Variants in UGT1A7 observed in about 807,000 individuals in gnomAD.
UGT1A7 encodes the protein UDP-glucuronosyltransferase 1A7.
Under a neutral mutation model 45.6 loss-of-function variants are expected in UGT1A7, and 33 were observed. The ratio of observed to expected loss-of-function variants is 0.72; its 90% CI spans 0.55 to 0.97. The LOEUF (loss-of-function observed/expected upper bound fraction) is 0.97, where lower values mean the gene tolerates loss of function less well. Among genes scored for constraint, UGT1A7 ranks in the 50% least tolerant of loss-of-function variants. The pLI is 0.00. For missense variants in UGT1A7, 684 were observed against 666.2 expected (o/e 1.03, Z -0.29); for synonymous variants, 274 against 250.6 (o/e 1.09, Z -0.88).
chr2:233,718,332 T>C (rs1444016327), intron 1 of UGT1A7, among the ~76,000 whole-genome samples: 1 of 152,208 alleles, frequency 6.6e-6, no homozygotes, highest in East Asian at 1.9e-4. Flanking sequence ...CTTAGCAATG[T>C]TGTATGTCTT....
intron 1 of UGT1A7, among the ~76,000 whole-genome samples, chr2:233,742,109 C>T (rs544656761): frequency 8.6e-5 from 13 of 151,972 alleles, no homozygotes; most frequent in Admixed American, 7.8e-4. Context: ...ACTGCCAAGA[C>T]CAGCTTGGTC....
At chr2:233,726,314 C>T (rs1182823767) in intron 1 of UGT1A7, among the ~76,000 whole-genome samples, 1 of 152,162 alleles carries the variant, frequency 6.6e-6, no homozygotes, top group Non-Finnish European at 1.5e-5. Context: ...GATCATTGAG[C>T]TCAGGAGTTT....
rs552863758 is a variant in UGT1A7 at position 233,736,767 on chromosome 2, G to A, written c.856-30267G>A. Among the ~76,000 whole-genome samples, 7 of 152,324 alleles carry A rather than the reference G, an allele frequency of 4.6e-5. No individual in the cohort carries two copies. In the South Asian group the frequency reaches 1.2e-3, roughly 27 times the overall value. On this transcript the variant is annotated intron_variant, in intron 1 of 4. Transcript: ENST00000373426. ...CTGTTTGTTAGTTTTCCTTCTAACA[G>A]TCAGATCCCTCAGCTGCAGGTCTGT... is the stretch of plus-strand genomic sequence containing the variant.
chr2:233,687,479 A>G (rs528407502), intron 1 of UGT1A7, among the ~76,000 whole-genome samples: 6 of 150,260 alleles, frequency 4.0e-5, no homozygotes, highest in Admixed American at 2.0e-4. Context: ...TGGCAGACCT[A>G]TTTTTCAGAT....
intron 1 of UGT1A7, among the ~76,000 whole-genome samples, chr2:233,764,057 C>T (rs1242895801): frequency 1.3e-5 from 2 of 152,096 alleles, no homozygotes; most frequent in African/African-American, 4.8e-5. Context: ...AAATGAAATG[C>T]ATTTGGGAAG....
In UGT1A7 at chr2:233,722,859, T is replaced by TC. The variant is rs2077044363; in HGVS notation, c.855+40067_855+40068insC. Among the ~76,000 whole-genome samples, 2 of 128,126 alleles carry TC rather than the reference T, an allele frequency of 1.6e-5. 1 individual carries two copies. The highest frequency in any genetic ancestry group is 5.9e-5 in the African/African-American group (2 of 33,684). The allele number at this position is 128,126 out of a possible 152,430, so 84.1% of individuals were successfully genotyped here. A position where few individuals can be genotyped will look rare whatever the true frequency, so the allele number is the denominator to read the frequency against. On this transcript the variant is annotated intron_variant, in intron 1 of 4. Transcript: ENST00000373426. The stretch of plus-strand genomic sequence containing the variant: ...TAAGAATGTTTCTTTTTTTTTTTTT[T>TC]GAAGGAAAAAATAAATTTATTGCTC...
rs1041496963 is a variant in UGT1A7, at chr2:233,755,204, C to T, written c.856-11830C>T. On this transcript the variant is annotated intron_variant, in intron 1 of 4. Coordinates refer to ENST00000373426, the MANE Select transcript of UGT1A7 (RefSeq NM_019077.3). ...GCCACTTGAGCGCCAGCTTGCGGTA[C>T]GCCTTCTTGATACCCTCGGACGAGG... The T allele has an allele frequency of 2.6e-4, 287 of 1,089,324 alleles. 1 individual carries two copies. Among genetic ancestry groups the T allele is most frequent in the Non-Finnish European group, 3.4e-4 (263 of 769,354 alleles). 67.5% of individuals were successfully genotyped at this position (1,089,324 alleles called of 1,614,324 possible).
At chr2:233,746,495 C>G (rs536618082) in intron 1 of UGT1A7, among the ~76,000 whole-genome samples, 12 of 151,904 alleles carry the variant, frequency 7.9e-5, no homozygotes, top group Admixed American at 4.6e-4. Context: ...ACATGTCACT[C>G]TTTAGTAGCC....
At chr2:233,771,408 T>C (rs1454905857) in intron 4 of UGT1A7, 2 of 152,208 alleles carry the variant, frequency 1.3e-5, no homozygotes, top group Non-Finnish European at 2.9e-5. Context: ...ATGAACACTG[T>C]CCAGAATAAA....
intron 1 of UGT1A7, chr2:233,719,191 T>A (rs1353737147): frequency 6.2e-7 from 1 of 1,614,228 alleles, no homozygotes; most frequent in Admixed American, 1.7e-5. Context: ...TCTTTGGCCC[T>A]TCATAGGTGT....
chr2:233,756,325 C>G (rs903343397), intron 1 of UGT1A7: 1 of 152,158 alleles, frequency 6.6e-6, no homozygotes, highest in Non-Finnish European at 1.5e-5. Context: ...CTCCTTTAAA[C>G]CTCTAGTCAT....
At chr2:233,758,568 A>G (rs1462095231) in intron 1 of UGT1A7, among the ~76,000 whole-genome samples, 1 of 152,230 alleles carries the variant, frequency 6.6e-6, no homozygotes, top group Non-Finnish European at 1.5e-5. Context: ...TTGGTCCTAA[A>G]AAATGAAGAG....
chr2:233,758,550 C>T (rs537826054), intron 1 of UGT1A7, among the ~76,000 whole-genome samples: 173 of 152,196 alleles, frequency 1.1e-3, no homozygotes, highest in African/African-American at 3.9e-3. Flanking sequence ...TTCTGCTTGC[C>T]CAGAATCTTG....
chr2:233,715,569 T>C (rs1403314383), intron 1 of UGT1A7, among the ~76,000 whole-genome samples: 3 of 152,040 alleles, frequency 2.0e-5, no homozygotes, highest in Non-Finnish European at 4.4e-5. Context: ...CCCAGGAGTC[T>C]GAGAGCAGCC....
chr2:233,719,375 A>G, intron 1 of UGT1A7: 1 of 1,613,982 alleles, frequency 6.2e-7, no homozygotes, highest in Non-Finnish European at 8.5e-7. Context: ...TTAAGGGCAC[A>G]CAGTGTCCAA....
intron 1 of UGT1A7, chr2:233,755,155 T>G (rs921927491): frequency 2.3e-6 from 3 of 1,293,388 alleles, no homozygotes; most frequent in Non-Finnish European, 2.1e-6. Flanking sequence ...GCTTCCTCCC[T>G]GTCCTCGGGG....
chr2:233,760,187 A>T (rs990924145), intron 1 of UGT1A7: 2 of 1,561,228 alleles, frequency 1.3e-6, no homozygotes, highest in African/African-American at 2.7e-5. Flanking sequence ...TTTTATAGTC[A>T]CGTGACACAG....
At chr2:233,756,614 T>C (rs978971075) in intron 1 of UGT1A7, among the ~76,000 whole-genome samples, 2 of 152,204 alleles carry the variant, frequency 1.3e-5, no homozygotes, top group African/African-American at 4.8e-5. Context: ...CCATTAAGAC[T>C]TGCAGGCCGT....
intron 1 of UGT1A7, chr2:233,752,385 C>T (rs1023364078): frequency 4.6e-5 from 7 of 152,142 alleles, no homozygotes. Context: ...ATCTTTGCAA[C>T]AGAGGAAATG....
Sources: allele counts gnomAD v4.1 joint callset (sites outside exome capture counted in the v4.1 genomes callset), GRCh38; gene constraint gnomAD v4.1.1; transcripts MANE v1.5; gene names NCBI Gene and HGNC (gene_info 2026-07-23, HGNC 2026-07-21).